LOXL2: variants seen among roughly 807,000 people sequenced by gnomAD.
LOXL2 encodes the protein lysyl oxidase like 2.
In LOXL2, 70 loss-of-function variants were observed where a neutral mutation model predicts 93.0. The ratio of observed to expected loss-of-function variants is 0.75; its 90% CI spans 0.62 to 0.92. The LOEUF (loss-of-function observed/expected upper bound fraction) is 0.92, where lower values mean the gene tolerates loss of function less well. LOXL2 is among the 40% of genes least tolerant of loss of function. The probability of loss-of-function intolerance (pLI) is 0.00; values close to 1 mark genes in which losing one functional copy is unlikely to be tolerated. For synonymous variants in LOXL2, 438 were observed against 413.2 expected, an observed-to-expected ratio of 1.06 and a Z score of -0.73; for missense variants, 973 against 1,054.9, an observed-to-expected ratio of 0.92 and a Z score of 1.08.
chr8:23,354,362 G>C (rs765216541), intron 3 of LOXL2, among the ~76,000 whole-genome samples: 51 of 152,188 alleles, frequency 3.4e-4, no homozygotes, highest in Non-Finnish European at 6.9e-4. Flanking sequence ...TCTACGACCA[G>C]GGTCACAAGA....
chr8:23,394,161 G>A (rs1800056075), intron 1 of LOXL2, among the ~76,000 whole-genome samples: 1 of 152,134 alleles, frequency 6.6e-6, no homozygotes, highest in African/African-American at 2.4e-5. Context: ...GGGAGGCCGA[G>A]GTGGGCGGAT....
intron 5 of LOXL2, among the ~76,000 whole-genome samples, chr8:23,330,962 A>G (rs1401739047): frequency 6.6e-6 from 1 of 152,096 alleles, no homozygotes; most frequent in Non-Finnish European, 1.5e-5. Flanking sequence ...ATTGCCAGGA[A>G]GTCACTCCTG....
chr8:23,383,951 T>C (rs563257659), intron 1 of LOXL2, among the ~76,000 whole-genome samples: 17 of 152,264 alleles, frequency 1.1e-4, no homozygotes, highest in South Asian at 6.2e-4. Context: ...TGAGCCACCG[T>C]GCCCGGCCCG....
rs572448830 is a variant in LOXL2, at chr8:23,351,903, G to A, written c.531+8187C>T. ...TTGCCCAGGCTGGAGTGCAGTGGCT[G>A]CAACCTCTACCTCCTGGGTTCAAGC... On this transcript the variant is annotated intron_variant, in intron 3 of 13. Coordinates refer to ENST00000389131, the MANE Select transcript of LOXL2 (RefSeq NM_002318.3). Among the ~76,000 whole-genome samples, 4 of 152,266 alleles carry A rather than the reference G, an allele frequency of 2.6e-5. No individual in the cohort carries two copies. The East Asian group carries it at 7.7e-4, about 29-fold the overall frequency.
intron 7 of LOXL2, 133 bp from the exon 8 acceptor site, chr8:23,320,185 C>A (rs986547191): frequency 1.2e-5 from 11 of 911,126 alleles, no homozygotes; most frequent in Admixed American, 2.5e-5. Flanking sequence ...TTCAGCAGCA[C>A]CCTTGGGAGC....
At chr8:23,309,143 C>A (rs4311660) in intron 10 of LOXL2, among the ~76,000 whole-genome samples, 113,036 of 151,638 alleles carry the variant, frequency 0.75, 42,286 homozygotes, top group South Asian at 0.87. Flanking sequence ...CACCACCATG[C>A]CCGGCTAATT....
chr8:23,323,714 G>C (rs1803535029), intron 6 of LOXL2, among the ~76,000 whole-genome samples: 1 of 151,024 alleles, frequency 6.6e-6, no homozygotes, highest in Admixed American at 6.6e-5. Flanking sequence ...TTGGGGGGGT[G>C]GGGGTGGGAC....
chr8:23,346,239 A>G (rs1563197503), intron 3 of LOXL2, among the ~76,000 whole-genome samples: 1 of 151,676 alleles, frequency 6.6e-6, no homozygotes, highest in Non-Finnish European at 1.5e-5. Flanking sequence ...TTCAGCCCCA[A>G]ATGCCAGAAG....
intron 3 of LOXL2, among the ~76,000 whole-genome samples, chr8:23,355,512 CTTTTT>C (rs58824822): frequency 3.1e-4 from 25 of 80,322 alleles, no homozygotes; most frequent in African/African-American, 1.1e-3. Context: ...TTGACATTCA[CTTTTT>C]TTTTTTTTTT....
intron 6 of LOXL2, among the ~76,000 whole-genome samples, chr8:23,324,138 G>A (rs1803542195): frequency 6.6e-6 from 1 of 152,248 alleles, no homozygotes. Context: ...TAAGACTACA[G>A]CTCAAGACTG....
rs1327759266 is a variant in LOXL2 at position 23,309,900 on chromosome 8, G to A, written c.1648C>T (p.Leu550=). 1.3e-6 allele frequency: 2 copies of A among 1,497,038 alleles called. No individual in the cohort carries two copies. The highest frequency in any genetic ancestry group is 1.8e-6 in the Non-Finnish European group (2 of 1,114,276). 92.7% of individuals were successfully genotyped at this position (1,497,038 alleles called of 1,614,324 possible). The change falls in exon 10 of 14, where the codon CTG becomes TTG. Residue 550 remains leucine (L), a synonymous_variant. Coordinates refer to ENST00000389131, the MANE Select transcript of LOXL2 (RefSeq NM_002318.3). Reference sequence around the variant, plus strand: ...TGCACCATCTCCGCATTGAGGACCAGGTCAGGGGCGGCTGCGGAGGATGGC... The same window carrying A: ...TGCACCATCTCCGCATTGAGGACCAAGTCAGGGGCGGCTGCGGAGGATGGC... ...GVACSETAPD[L]VLNAEMVQQT...
intron 8 of LOXL2, among the ~76,000 whole-genome samples, chr8:23,318,321 G>C (rs1803435937): frequency 6.6e-6 from 1 of 151,908 alleles, no homozygotes; most frequent in Non-Finnish European, 1.5e-5. Flanking sequence ...CCCCATAATT[G>C]GATGAGCCAA....
chr8:23,347,009 T>C (rs1804000904), intron 3 of LOXL2, among the ~76,000 whole-genome samples: 1 of 152,214 alleles, frequency 6.6e-6, no homozygotes, highest in African/African-American at 2.4e-5. Flanking sequence ...TGCAGCTTTC[T>C]TACTTTGGCT....
At chr8:23,355,601 G>T (rs1215577685) in intron 3 of LOXL2, among the ~76,000 whole-genome samples, 1 of 124,952 alleles carries the variant, frequency 8.0e-6, no homozygotes, top group Non-Finnish European at 1.6e-5. Flanking sequence ...CCGCTTCAAA[G>T]ATTTGTTCTT....
intron 2 of LOXL2, 31 bp downstream of exon 2, chr8:23,367,966 A>AG: frequency 6.4e-7 from 1 of 1,570,176 alleles, no homozygotes; most frequent in Non-Finnish European, 8.7e-7. Context: ...GCCAGGTGAC[A>AG]GCACTCAGAT....
At chr8:23,394,083 A>G (rs756255445) in intron 1 of LOXL2, among the ~76,000 whole-genome samples, 13 of 152,200 alleles carry the variant, frequency 8.5e-5, no homozygotes, top group Non-Finnish European at 2.9e-5. Context: ...ATTGTTTATA[A>G]TTTAACAATA....
At chr8:23,344,384 G>C (rs1439570456) in intron 3 of LOXL2, among the ~76,000 whole-genome samples, 1 of 151,684 alleles carries the variant, frequency 6.6e-6, no homozygotes, top group African/African-American at 2.4e-5. Context: ...TTGATGGTCT[G>C]TGTGTGTGTG....
At chr8:23,356,827 G>A (rs879209571) in intron 3 of LOXL2, among the ~76,000 whole-genome samples, 4 of 152,162 alleles carry the variant, frequency 2.6e-5, no homozygotes, top group African/African-American at 9.7e-5. Context: ...CTGGGTTTCT[G>A]GAGATTTGTG....
At chr8:23,381,480 T>A (rs1804679630) in intron 1 of LOXL2, among the ~76,000 whole-genome samples, 1 of 152,222 alleles carries the variant, frequency 6.6e-6, no homozygotes, top group Non-Finnish European at 1.5e-5. Context: ...AAACTCTGGC[T>A]ATGACCATGT....
Sources: gnomAD v4.1 joint callset for allele counts (sites outside exome capture counted in the v4.1 genomes callset) on GRCh38, gnomAD v4.1.1 for gene constraint, MANE v1.5 for transcripts, NCBI Gene and HGNC (gene_info 2026-07-23, HGNC 2026-07-21) for gene names.